The following PDE1C variants were observed in gnomAD, a reference collection of about 807,000 sequenced individuals.
PDE1C encodes the protein phosphodiesterase 1C.
In PDE1C, 62 loss-of-function variants were observed where a neutral mutation model predicts 93.1. That is an observed-to-expected ratio of 0.67 (90% confidence interval 0.54 to 0.82). PDE1C has a LOEUF of 0.82. Ranked by LOEUF, PDE1C falls within the 40% of genes least tolerant of loss-of-function variation. The pLI, the probability that PDE1C is intolerant of heterozygous loss-of-function variation, is 0.00. For synonymous variants in PDE1C, 325 were observed against 310.1 expected (o/e 1.05, Z -0.50); for missense variants, 742 against 884.6 (o/e 0.84, Z 2.04).
At chr7:32,120,816 T>G (rs1052620063) in intron 3 of PDE1C, among the ~76,000 whole-genome samples, 1 of 152,130 alleles carries the variant, frequency 6.6e-6, no homozygotes, top group Admixed American at 6.5e-5. Context: ...CAGGTGCCTC[T>G]TCTCTCCTCC....
intron 17 of PDE1C, among the ~76,000 whole-genome samples, chr7:31,766,061 A>G (rs1795124228): frequency 1.3e-5 from 2 of 152,128 alleles, no homozygotes; most frequent in African/African-American, 2.4e-5. Context: ...TGTTGTCCTG[A>G]TATTTGTAGA....
At chr7:31,632,972 C>T in the PDE1C span, among the ~76,000 whole-genome samples, 7 of 151,944 alleles carry the variant, frequency 4.6e-5, no homozygotes, top group East Asian at 1.9e-4. Context: ...CTGCAACCTC[C>T]GACTCCCTGG....
intron 2 of PDE1C, among the ~76,000 whole-genome samples, chr7:31,948,660 C>A (rs191728390): frequency 6.6e-6 from 1 of 152,004 alleles, no homozygotes; most frequent in African/African-American, 2.4e-5. Flanking sequence ...TATCTTTTTG[C>A]GGAGATGGGA....
chr7:32,162,611 C>G (rs1801988900), intron 3 of PDE1C, among the ~76,000 whole-genome samples: 1 of 152,078 alleles, frequency 6.6e-6, no homozygotes, highest in South Asian at 2.1e-4. Flanking sequence ...AGTCTGAACA[C>G]CAAAGTCACC....
At chr7:31,754,720 T>C (rs1291980420) in intron 17 of PDE1C, among the ~76,000 whole-genome samples, 2 of 152,066 alleles carry the variant, frequency 1.3e-5, no homozygotes, top group African/African-American at 2.4e-5. Flanking sequence ...ACATCAGAGA[T>C]TGTCAGGCGT....
chr7:31,808,366 A>C (rs1778780916), intron 16 of PDE1C: 2 of 265,792 alleles, frequency 7.5e-6, no homozygotes, highest in Non-Finnish European at 1.5e-5. Flanking sequence ...TGAAACAATG[A>C]AGTTTATGTA....
At chr7:32,420,110 TATATATATATATATACACACAC>T (rs1785365219) in intron 1 of PDE1C, among the ~76,000 whole-genome samples, 2 of 23,642 alleles carry the variant, frequency 8.5e-5, no homozygotes, top group South Asian at 1.2e-3. Context: ...TATATATATA[TATATATATATATATACACACAC>T]ACACACACAC....
chr7:32,206,237 C>G (rs1252382660), intron 2 of PDE1C, among the ~76,000 whole-genome samples: 6 of 151,938 alleles, frequency 3.9e-5, no homozygotes, highest in Non-Finnish European at 7.4e-5. Flanking sequence ...ATTGTGTATG[C>G]TGATAATGGG....
At chr7:32,145,599 T>C (rs765652116) in intron 3 of PDE1C, among the ~76,000 whole-genome samples, 1 of 152,196 alleles carries the variant, frequency 6.6e-6, no homozygotes, top group Non-Finnish European at 1.5e-5. Flanking sequence ...TGATTATTCA[T>C]GATTCTGTGG....
chr7:32,078,011 A>G (rs1377122281), intron 3 of PDE1C: 14 of 985,334 alleles, frequency 1.4e-5, no homozygotes, highest in Non-Finnish European at 1.7e-5. Flanking sequence ...TCTGCCTCTC[A>G]GAATACACTG....
intron 1 of PDE1C, among the ~76,000 whole-genome samples, chr7:32,248,985 A>T (rs923216342): frequency 2.0e-5 from 3 of 152,124 alleles, no homozygotes; most frequent in African/African-American, 4.8e-5. Context: ...GCTGTCATGT[A>T]GAAGAGGGAC....
chr7:32,318,747 A>T (rs1365627216), intron 1 of PDE1C, among the ~76,000 whole-genome samples: 1 of 152,164 alleles, frequency 6.6e-6, no homozygotes, highest in Middle Eastern at 3.2e-3. Context: ...GGACATTAAG[A>T]TGCATTACAT....
the PDE1C span, among the ~76,000 whole-genome samples, chr7:31,684,871 C>T: frequency 6.6e-6 from 1 of 152,112 alleles, no homozygotes; most frequent in Non-Finnish European, 1.5e-5. Context: ...AGGAAACATG[C>T]AATTGTCAGT....
At chr7:31,799,159 A>T (rs1785677325) in intron 16 of PDE1C, among the ~76,000 whole-genome samples, 1 of 151,696 alleles carries the variant, frequency 6.6e-6, no homozygotes, top group East Asian at 1.9e-4. Flanking sequence ...TTGTTTCTCA[A>T]ATCTCTGGAA....
intron 3 of PDE1C, among the ~76,000 whole-genome samples, chr7:32,144,252 GTC>G (rs1008570782): frequency 1.3e-5 from 2 of 152,096 alleles, no homozygotes; most frequent in African/African-American, 4.8e-5. Flanking sequence ...AAGACTTTGT[GTC>G]TCTCTGTCTC....
At position 31,879,173 on chromosome 7, in the gene PDE1C, A is replaced by G. The variant is rs539157919; in HGVS notation, c.248T>C (p.Leu83Pro). Residue 83 changes from leucine to proline, a missense_variant, in exon 4 of 18, where the codon CTC (leucine) becomes CCC (proline). Physicochemically the swap from Leu to Pro is moderately conservative, Grantham distance 98. Transcript: ENST00000396191. ...ACTGAGCTCATCCTCTGTATCCAGG[A>G]GTCTCCTGAACACAAGAAACAGAAT... ...ESVYIDETRR[L>P]LDTEDELSDI... 1 of 1,612,690 alleles carries G rather than the reference A, an allele frequency of 6.2e-7. No homozygotes were observed. The highest frequency in any genetic ancestry group is 1.3e-5 in the African/African-American group (1 of 75,044).
At chr7:32,184,164 A>G (rs1803671130) in intron 2 of PDE1C, among the ~76,000 whole-genome samples, 1 of 152,170 alleles carries the variant, frequency 6.6e-6, no homozygotes, top group African/African-American at 2.4e-5. Flanking sequence ...GCTGGAGAGG[A>G]TGTGGAGAAA....
intron 1 of PDE1C, among the ~76,000 whole-genome samples, chr7:32,319,899 G>GC (rs1407663152): frequency 6.6e-6 from 1 of 152,138 alleles, no homozygotes; most frequent in Non-Finnish European, 1.5e-5. Context: ...TAGTTTTTAT[G>GC]CCCCTTGAAC....
At chr7:31,837,067 C>T (rs1264295370) in intron 11 of PDE1C, 113 bp downstream of exon 11, 33 of 1,031,420 alleles carry the variant, frequency 3.2e-5, no homozygotes, top group Non-Finnish European at 4.6e-5. Flanking sequence ...AGCCCCCCTC[C>T]CCTCTCCAAA....
Sources: allele counts gnomAD v4.1 joint callset (sites outside exome capture counted in the v4.1 genomes callset), GRCh38; gene constraint gnomAD v4.1.1; transcripts MANE v1.5; gene names NCBI Gene and HGNC (gene_info 2026-07-23, HGNC 2026-07-21).